Variants in LRRC8D observed in about 807,000 individuals in gnomAD.
LRRC8D encodes leucine rich repeat containing 8 VRAC subunit D.
LRRC8D carries 20 observed loss-of-function variants against 55.8 expected under a neutral mutation model. The observed-to-expected ratio is 0.36, with a 90% confidence interval of 0.25 to 0.52. The LOEUF (loss-of-function observed/expected upper bound fraction) is 0.52. Among genes scored for constraint, LRRC8D ranks in the 20% least tolerant of loss-of-function variants. LRRC8D has a pLI of 0.93. For missense variants in LRRC8D, 651 were observed against 1,030.8 expected, an observed-to-expected ratio of 0.63 and a Z score of 5.05; for synonymous variants, 352 against 377.0, an observed-to-expected ratio of 0.93 and a Z score of 0.77.
chr1:89,910,532 C>T (rs1663110093), intron 2 of LRRC8D, among the ~76,000 whole-genome samples: 1 of 152,102 alleles, frequency 6.6e-6, no homozygotes, highest in African/African-American at 2.4e-5. Context: ...TTAAGGGTTC[C>T]TTCTAGTGAT....
intron 2 of LRRC8D, among the ~76,000 whole-genome samples, chr1:89,895,176 G>A (rs188858173): frequency 6.6e-6 from 1 of 152,214 alleles, no homozygotes; most frequent in Non-Finnish European, 1.5e-5. Context: ...TCAACATACT[G>A]GGAACACATG....
At chr1:89,928,514 G>C (rs750005368) in intron 2 of LRRC8D, among the ~76,000 whole-genome samples, 1 of 152,196 alleles carries the variant, frequency 6.6e-6, no homozygotes, top group African/African-American at 2.4e-5. Flanking sequence ...AACTTCTGGT[G>C]GGGGGTGGCA....
At chr1:89,889,350 A>G (rs978342514) in intron 2 of LRRC8D, among the ~76,000 whole-genome samples, 4 of 152,202 alleles carry the variant, frequency 2.6e-5, no homozygotes, top group African/African-American at 9.7e-5. Context: ...AGGAGATATG[A>G]GTAATAAATG....
chr1:89,863,828 T>C (rs1201460359), intron 2 of LRRC8D, among the ~76,000 whole-genome samples: 1 of 152,216 alleles, frequency 6.6e-6, no homozygotes, highest in Non-Finnish European at 1.5e-5. Flanking sequence ...TTTGAAATAT[T>C]AAAAATGTTC....
chr1:89,864,725 C>T (rs1174860458), intron 2 of LRRC8D, among the ~76,000 whole-genome samples: 1 of 152,124 alleles, frequency 6.6e-6, no homozygotes, highest in African/African-American at 2.4e-5. Flanking sequence ...AGCCAGAGTC[C>T]TTAAGACATC....
chr1:89,901,000 G>A (rs1185816958), intron 2 of LRRC8D, among the ~76,000 whole-genome samples: 1 of 152,212 alleles, frequency 6.6e-6, no homozygotes, highest in Non-Finnish European at 1.5e-5. Flanking sequence ...ACGTTATCAA[G>A]TGTACTCTAC....
At chr1:89,896,228 G>A (rs111578117) in intron 2 of LRRC8D, among the ~76,000 whole-genome samples, 1,642 of 152,230 alleles carry the variant, frequency 0.011, 35 homozygotes, top group African/African-American at 0.037. Flanking sequence ...TGAGTGGGAG[G>A]GTAGAGGGGT....
At position 89,934,755 on chromosome 1, in the gene LRRC8D, C is replaced by T. The variant is rs1663794586; in HGVS notation, c.1687C>T (p.Arg563Ter). Residue 563 changes from arginine (R) to a stop codon, truncating the protein, a stop_gained, in exon 3 of 3, where the codon CGA becomes TGA. Transcript: ENST00000337338. LOFTEE classifies it high-confidence loss of function. The surrounding 1 kb of genome is among the most constrained non-coding windows in gnomAD (Gnocchi z 5.9). ...CTGGGTGTATTTGCTCAAAAACCTT[C>T]GAGAGTTGTACTTAATAGGCAATTT... Reference protein sequence around the residue: ...PAWVYLLKNLRELYLIGNLNS... With the variant: ...PAWVYLLKNL 5 of 1,613,948 alleles carry T rather than the reference C, an allele frequency of 3.1e-6. No individual in the cohort carries two copies. Among genetic ancestry groups the T allele is most frequent in the Non-Finnish European group, 2.5e-6 (3 of 1,180,048 alleles).
intron 2 of LRRC8D, among the ~76,000 whole-genome samples, chr1:89,848,580 A>C (rs143984167): frequency 3.6e-4 from 55 of 152,338 alleles, no homozygotes; most frequent in Non-Finnish European, 6.0e-4. Flanking sequence ...ATTTGTTAAA[A>C]GAAATTACTT....
chr1:89,906,178 T>G (rs1662985871), intron 2 of LRRC8D, among the ~76,000 whole-genome samples: 2 of 152,146 alleles, frequency 1.3e-5, no homozygotes, highest in African/African-American at 4.8e-5. Flanking sequence ...CTTTTAGGCT[T>G]AAAAAAATCC....
chr1:89,880,957 C>T (rs1425868776), intron 2 of LRRC8D, among the ~76,000 whole-genome samples: 2 of 152,142 alleles, frequency 1.3e-5, no homozygotes, highest in African/African-American at 4.8e-5. Context: ...GCTCATCACT[C>T]TAATGCCAAT....
intron 1 of LRRC8D, among the ~76,000 whole-genome samples, chr1:89,827,922 C>T (rs756464106): frequency 1.5e-4 from 23 of 152,194 alleles, no homozygotes; most frequent in Admixed American, 9.2e-4. Flanking sequence ...CCCTGGCTGG[C>T]ATCAGAATCA....
intron 2 of LRRC8D, among the ~76,000 whole-genome samples, chr1:89,870,434 T>A (rs1397249234): frequency 6.6e-6 from 1 of 151,482 alleles, no homozygotes; most frequent in Non-Finnish European, 1.5e-5. Flanking sequence ...CAAGATCGTG[T>A]CACTGCACTC....
rs185368593 is a variant in LRRC8D, at chr1:89,873,978, A to G, written c.-3+30196A>G. 4.3e-3 allele frequency among the ~76,000 whole-genome samples: 660 copies of G among 152,340 alleles called. 3 individuals are homozygous for G. Among genetic ancestry groups the G allele is most frequent in the Non-Finnish European group, 6.6e-3 (452 of 68,018 alleles). On this transcript the variant is annotated intron_variant, in intron 2 of 2. Coordinates refer to ENST00000337338, the MANE Select transcript of LRRC8D (RefSeq NM_001134479.2). The stretch of plus-strand genomic sequence containing the variant: ...TGTTCATAGATCTAAGCCAGACCAC[A>G]TGTAGCAGTAAATGTTATTTATCAC...
At chr1:89,843,116 A>G (rs1661176598) in intron 1 of LRRC8D, 1 of 152,338 alleles carries the variant, frequency 6.6e-6, no homozygotes, top group Non-Finnish European at 1.5e-5. Context: ...GCTGAGCTGT[A>G]GTGGATATAC....
intron 2 of LRRC8D, among the ~76,000 whole-genome samples, chr1:89,853,607 T>C (rs1661478055): frequency 6.6e-6 from 1 of 152,220 alleles, no homozygotes. Flanking sequence ...TTATTGTCTT[T>C]TACAGACAGG....
At chr1:89,832,565 C>G (rs1660912694) in intron 1 of LRRC8D, among the ~76,000 whole-genome samples, 1 of 152,116 alleles carries the variant, frequency 6.6e-6, no homozygotes, top group African/African-American at 2.4e-5. Flanking sequence ...TTATGGATTT[C>G]TTTTCCCCCT....
intron 2 of LRRC8D, among the ~76,000 whole-genome samples, chr1:89,872,851 C>T (rs1007015809): frequency 1.7e-4 from 26 of 152,168 alleles, no homozygotes; most frequent in African/African-American, 6.3e-4. Context: ...GCAAAGCTTT[C>T]ATGAATGCTT....
chr1:89,905,284 A>G (rs1436822105), intron 2 of LRRC8D, among the ~76,000 whole-genome samples: 1 of 152,210 alleles, frequency 6.6e-6, no homozygotes, highest in Non-Finnish European at 1.5e-5. Flanking sequence ...TTTTGAATAT[A>G]TGTTAATTGT....
Sources: allele counts gnomAD v4.1 joint callset (sites outside exome capture counted in the v4.1 genomes callset), GRCh38; gene constraint gnomAD v4.1.1; non-coding constraint Gnocchi (gnomAD v3.1); transcripts MANE v1.5; gene names NCBI Gene and HGNC (gene_info 2026-07-23, HGNC 2026-07-21).